CSMD1: variants seen among roughly 807,000 people sequenced by gnomAD.
The protein encoded by CSMD1 is CUB and sushi domain-containing protein 1.
Under a neutral mutation model 417.5 loss-of-function variants are expected in CSMD1, and 213 were observed. The ratio of observed to expected loss-of-function variants is 0.51; its 90% confidence interval spans 0.46 to 0.57. The LOEUF is 0.57. CSMD1 is among the 20% of genes least tolerant of loss of function. The pLI is 0.00. For synonymous variants in CSMD1, 2,862 were observed against 1,736.8 expected (o/e 1.65, Z -16.11); for missense variants, 6,923 against 4,529.7 (o/e 1.53, Z -15.17).
At chr8:4,550,817 T>C (rs75361004) in intron 2 of CSMD1, among the ~76,000 whole-genome samples, 35 of 152,094 alleles carry the variant, frequency 2.3e-4, no homozygotes, top group Non-Finnish European at 3.5e-4. Flanking sequence ...CCACCACCAA[T>C]TGGTCCAAGT....
intron 65 of CSMD1, 85 bp downstream of exon 65, chr8:2,954,139 A>T: frequency 1.5e-6 from 1 of 659,616 alleles, no homozygotes; most frequent in Non-Finnish European, 2.4e-6. Context: ...TCAGAAATTT[A>T]AATGTTGAAA....
intron 3 of CSMD1, among the ~76,000 whole-genome samples, chr8:4,279,426 T>C (rs1420605637): frequency 6.6e-6 from 1 of 152,200 alleles, no homozygotes; most frequent in Non-Finnish European, 1.5e-5. Flanking sequence ...TTTTTGGCAG[T>C]ATTGTCCTTG....
At chr8:3,462,161 G>A (rs183840409) in intron 12 of CSMD1, among the ~76,000 whole-genome samples, 25 of 151,936 alleles carry the variant, frequency 1.6e-4, no homozygotes, top group African/African-American at 5.8e-4. Context: ...GACCCACACT[G>A]CATTTCTTTT....
intron 3 of CSMD1, among the ~76,000 whole-genome samples, chr8:4,220,430 G>A (rs1421823050): frequency 1.3e-5 from 2 of 152,134 alleles, no homozygotes; most frequent in East Asian, 1.9e-4. Flanking sequence ...GACGTCCATG[G>A]GATGGCATTA....
chr8:4,040,600 T>G (rs73658540), intron 3 of CSMD1, among the ~76,000 whole-genome samples: 1 of 152,144 alleles, frequency 6.6e-6, no homozygotes, highest in African/African-American at 2.4e-5. Context: ...CATGCATATA[T>G]GGATTGGGGA....
rs752339402 is a variant in CSMD1 at position 3,284,220 on chromosome 8, G to A, written c.4077C>T (p.Ser1359=). 1 of 1,612,004 alleles carries A rather than the reference G, an allele frequency of 6.2e-7. No individual in the cohort carries two copies. Among genetic ancestry groups the A allele is most frequent in the Non-Finnish European group, 8.5e-7 (1 of 1,179,082 alleles). ...ACTGCAGGGTGAGTGAGTTGAAGGT[G>A]CTGTGGATGTCCTCCGGAAGGGCGG... The part of the protein sequence containing the change: ...SGSALPEDIH[S]TFNSLTLQFD... The change falls in exon 26 of 70, where the codon AGC becomes AGT. Residue 1359 remains serine (S), a synonymous_variant. Coordinates refer to ENST00000635120, the MANE Select transcript of CSMD1 (RefSeq NM_033225.6).
intron 1 of CSMD1, among the ~76,000 whole-genome samples, chr8:4,865,529 T>A (rs2116891026): frequency 6.6e-6 from 1 of 152,004 alleles, no homozygotes; most frequent in East Asian, 1.9e-4. Flanking sequence ...TATTAGAAAA[T>A]CACTTGGAGA....
intron 19 of CSMD1, among the ~76,000 whole-genome samples, chr8:3,368,873 G>A (rs886989811): frequency 6.6e-6 from 1 of 152,120 alleles, no homozygotes; most frequent in Non-Finnish European, 1.5e-5. Context: ...AAAATACAAG[G>A]AAAGTACAAA....
intron 2 of CSMD1, among the ~76,000 whole-genome samples, chr8:4,513,638 T>G (rs1405245): frequency 0.96 from 146,136 of 152,260 alleles, 70,375 homozygotes; most frequent in East Asian, 1. Context: ...AACAATGAAG[T>G]TAAAGGAAGA....
intron 49 of CSMD1, among the ~76,000 whole-genome samples, chr8:3,066,905 T>C (rs1158067224): frequency 2.0e-5 from 3 of 152,208 alleles, no homozygotes; most frequent in African/African-American, 7.2e-5. Flanking sequence ...GTAGTGTCTT[T>C]GATCAGGCTA....
intron 1 of CSMD1, among the ~76,000 whole-genome samples, chr8:4,649,061 G>A (rs184862541): frequency 6.6e-6 from 1 of 152,126 alleles, no homozygotes; most frequent in African/African-American, 2.4e-5. Context: ...GCTTCAGTTG[G>A]TATATTTGCC....
rs56272726 is a variant in CSMD1 at position 3,709,680 on chromosome 8, G to GTTTTTTTTTTTTTTTTTTTTTTTTTTT, written c.932-1216_932-1190dup. Among the ~76,000 whole-genome samples, 107 of 33,672 alleles carry GTTTTTTTTTTTTTTTTTTTTTTTTTTT rather than the reference G, an allele frequency of 3.2e-3. 20 individuals are homozygous for GTTTTTTTTTTTTTTTTTTTTTTTTTTT. Among genetic ancestry groups the GTTTTTTTTTTTTTTTTTTTTTTTTTTT allele is most frequent in the Non-Finnish European group, 4.3e-3 (75 of 17,536 alleles). The allele number at this position is 33,672 out of a possible 152,430, so 22.1% of individuals were successfully genotyped here. ...GATGGGCTTTAAATTGCAGCAGCATGTTTTTTTTTTTTTTTTTTTTTTTTT... is the reference window on the plus strand; with the variant it reads ...GATGGGCTTTAAATTGCAGCAGCATGTTTTTTTTTTTTTTTTTTTTTTTTTTTTTTTTTTTTTTTTTTTTTTTTTTTT... On this transcript the variant is annotated intron_variant, in intron 6 of 69. Transcript: ENST00000635120.
chr8:3,827,529 C>A (rs1466169784), intron 5 of CSMD1, among the ~76,000 whole-genome samples: 1 of 152,226 alleles, frequency 6.6e-6, no homozygotes, highest in East Asian at 1.9e-4. Context: ...TTCCCCAAGG[C>A]ACTGTCATAT....
chr8:4,071,177 T>C (rs1349032723), intron 3 of CSMD1, among the ~76,000 whole-genome samples: 1 of 152,092 alleles, frequency 6.6e-6, no homozygotes, highest in Non-Finnish European at 1.5e-5. Context: ...AAAGATAGTT[T>C]CTCCCTTATT....
At chr8:3,431,409 A>G (rs999451970) in intron 12 of CSMD1, among the ~76,000 whole-genome samples, 1 of 152,030 alleles carries the variant, frequency 6.6e-6, no homozygotes, top group African/African-American at 2.4e-5. Context: ...CCGCTTTTGT[A>G]TTCCCAGTTT....
Position 3,905,481 on chromosome 8 carries a change from C to T in CSMD1, c.818+92422G>A, listed in dbSNP as rs944444864. Reference sequence around the variant, plus strand: ...ACACGGGTCCAATGACGGTGACTTTCCTACGTGTGAAAGATCTCTGTGCAC... The same window carrying T: ...ACACGGGTCCAATGACGGTGACTTTTCTACGTGTGAAAGATCTCTGTGCAC... On this transcript the variant is annotated intron_variant, in intron 5 of 69. Transcript: ENST00000635120. Among the ~76,000 whole-genome samples, 4 of 152,202 alleles carry T rather than the reference C, an allele frequency of 2.6e-5. No individual in the cohort carries two copies. The South Asian group carries it at 8.3e-4, about 31-fold the overall frequency.
At chr8:3,000,262 T>C (rs1235574777) in intron 52 of CSMD1, 131 bp from the exon 53 acceptor site, 3 of 443,084 alleles carry the variant, frequency 6.8e-6, no homozygotes, top group East Asian at 3.5e-5. Context: ...TCATTACATA[T>C]ATATGTATAC....
chr8:3,763,914 T>A (rs1482266911), intron 5 of CSMD1, among the ~76,000 whole-genome samples: 1 of 152,122 alleles, frequency 6.6e-6, no homozygotes, highest in African/African-American at 2.4e-5. Context: ...CTTATCTTAA[T>A]AACCTCTATG....
chr8:4,448,702 G>C (rs537688327), intron 2 of CSMD1, among the ~76,000 whole-genome samples: 86 of 152,100 alleles, frequency 5.7e-4, no homozygotes, highest in African/African-American at 1.6e-3. Context: ...TATCTTTTTT[G>C]GCATTGCCCA....
Sources: allele counts gnomAD v4.1 joint callset (sites outside exome capture counted in the v4.1 genomes callset), GRCh38; gene constraint gnomAD v4.1.1; transcripts MANE v1.5; gene names NCBI Gene and HGNC (gene_info 2026-07-23, HGNC 2026-07-21).